ADAM2: variants seen among roughly 807,000 people sequenced by gnomAD.
The protein encoded by ADAM2 is disintegrin and metalloproteinase domain-containing protein 2.
A neutral mutation model predicts 99.3 loss-of-function variants in ADAM2; 101 were observed. That is an observed-to-expected ratio of 1.02 (90% CI 0.87 to 1.20). The LOEUF is 1.20. Ranked by LOEUF, ADAM2 falls within the 50% of genes most tolerant of loss-of-function variation. The probability of loss-of-function intolerance (pLI) is 0.00; values close to 1 mark genes in which losing one functional copy is unlikely to be tolerated. For synonymous variants in ADAM2, 323 were observed against 287.6 expected (o/e 1.12, Z -1.25); for missense variants, 948 against 878.7 (o/e 1.08, Z -1.00).
chr8:39,782,633 T>G (rs920247916), intron 10 of ADAM2, among the ~76,000 whole-genome samples: 1 of 152,124 alleles, frequency 6.6e-6, no homozygotes, highest in Non-Finnish European at 1.5e-5. Flanking sequence ...TCATAAAATT[T>G]TATCCATATT....
At chr8:39,766,588 A>G (rs568273059) in intron 14 of ADAM2, among the ~76,000 whole-genome samples, 9 of 152,010 alleles carry the variant, frequency 5.9e-5, no homozygotes, top group African/African-American at 1.9e-4. Flanking sequence ...TTGTATTTTT[A>G]GTAGAGACAG....
At chr8:39,805,505 T>C (rs1804399381) in intron 7 of ADAM2, among the ~76,000 whole-genome samples, 1 of 152,126 alleles carries the variant, frequency 6.6e-6, no homozygotes, top group Admixed American at 6.5e-5. Context: ...CAAAAATCAT[T>C]TCAAGATTCT....
intron 6 of ADAM2, among the ~76,000 whole-genome samples, chr8:39,809,961 T>G (rs909914534): frequency 1.3e-5 from 2 of 152,184 alleles, no homozygotes; most frequent in African/African-American, 4.8e-5. Context: ...ATGGGCTAAA[T>G]GCTCCAATTA....
Position 39,824,829 on chromosome 8 carries a change from T to C in ADAM2, c.257A>G (p.Gln86Arg). 2 of 1,557,192 alleles carry C rather than the reference T, an allele frequency of 1.3e-6. No individual in the cohort carries two copies. The highest frequency in any genetic ancestry group is 1.8e-6 in the Non-Finnish European group (2 of 1,135,412). ...TCATAAAAAACATACCTGAAAATCT[T>C]GGTCAAGTGGTTTCATAATTCCTGT... ...SGTGIMKPLD[Q>R]DFQNFCHYQG... Residue 86 changes from glutamine (Q) to arginine (R), a missense_variant, in exon 4 of 21, where the codon CAA (glutamine) becomes CGA (arginine). Gln to Arg is a conservative substitution (Grantham distance 43). Transcript: ENST00000265708.
intron 14 of ADAM2, among the ~76,000 whole-genome samples, chr8:39,764,869 G>C (rs1802507122): frequency 6.6e-6 from 1 of 151,814 alleles, no homozygotes; most frequent in Non-Finnish European, 1.5e-5. Flanking sequence ...ACAAAAATTA[G>C]CCGGGTGTGG....
intron 12 of ADAM2, among the ~76,000 whole-genome samples, chr8:39,768,279 A>G (rs1802645272): frequency 6.6e-6 from 1 of 152,182 alleles, no homozygotes; most frequent in Admixed American, 6.5e-5. Context: ...ATTTTTTAAA[A>G]ACATATCACA....
intron 6 of ADAM2, among the ~76,000 whole-genome samples, chr8:39,818,990 C>A (rs1805065246): frequency 6.6e-6 from 1 of 151,838 alleles, no homozygotes; most frequent in African/African-American, 2.4e-5. Context: ...AGATTCAACA[C>A]AATCCTGGGT....
chr8:39,760,882 C>CAAAAAAAAAAAAAAAAAA (rs58386097), intron 15 of ADAM2, among the ~76,000 whole-genome samples: 5 of 60,182 alleles, frequency 8.3e-5, no homozygotes, highest in African/African-American at 3.4e-4. Flanking sequence ...GACTCCATCT[C>CAAAAAAAAAAAAAAAAAA]AAAAAAAAAA....
At chr8:39,760,435 G>A (rs998440499) in intron 15 of ADAM2, among the ~76,000 whole-genome samples, 1 of 152,066 alleles carries the variant, frequency 6.6e-6, no homozygotes, top group Non-Finnish European at 1.5e-5. Flanking sequence ...TAAATACCAC[G>A]CTTTGGCCAG....
In ADAM2 at chr8:39,788,026, C is replaced by A. The variant is rs768260739; in HGVS notation, c.809+59G>T. ...ACACATTTATCAACAGTAAGATATT[C>A]GGTCAAATTGCATAAATTTTCTTCA... On this transcript the variant is annotated intron_variant, in intron 9 of 20. Transcript: ENST00000265708. 9.6e-6 allele frequency: 11 copies of A among 1,143,730 alleles called. No homozygotes were observed. The East Asian group carries it at 2.8e-4, about 29-fold the overall frequency. The allele number at this position is 1,143,730 out of a possible 1,614,324, so 70.8% of individuals were successfully genotyped here.
chr8:39,754,473 C>A (rs12541801), intron 16 of ADAM2, among the ~76,000 whole-genome samples: 76,296 of 151,978 alleles, frequency 0.5, 19,577 homozygotes, highest in South Asian at 0.67. Context: ...CGTATTTTAG[C>A]CTATTTAGAA....
At chr8:39,758,810 C>T (rs1356046293) in intron 15 of ADAM2, among the ~76,000 whole-genome samples, 1 of 151,650 alleles carries the variant, frequency 6.6e-6, no homozygotes, top group Admixed American at 6.6e-5. Flanking sequence ...CAAAGGGATT[C>T]CCAATAGTCA....
intron 4 of ADAM2, among the ~76,000 whole-genome samples, chr8:39,824,195 A>G (rs1243454419): frequency 1.3e-5 from 2 of 151,404 alleles, no homozygotes; most frequent in South Asian, 2.1e-4. Flanking sequence ...AGGCAGGAGA[A>G]TCACTTGAAC....
intron 3 of ADAM2, among the ~76,000 whole-genome samples, chr8:39,832,336 C>T (rs1290538411): frequency 6.6e-6 from 1 of 152,134 alleles, no homozygotes; most frequent in Non-Finnish European, 1.5e-5. Flanking sequence ...CTGAAACTAA[C>T]TAGTTACCAA....
Position 39,838,145 on chromosome 8 carries a change from A to C in ADAM2, c.41T>G (p.Leu14Arg). ...TTTCTGCTTACTACTGTCCATCCGC[A>C]GCCCGCCGAGCCCGCTGAGCAGAAA... ...VLFLLSGLGG[L>R]RMDSNFDSLP... Residue 14 changes from leucine to arginine, a missense_variant, in exon 1 of 21, where the codon CTG becomes CGG. By Grantham distance (102) the Leu-to-Arg change is moderately radical. Coordinates refer to ENST00000265708, the MANE Select transcript of ADAM2 (RefSeq NM_001464.5). The C allele has an allele frequency of 6.2e-7, 1 of 1,614,132 alleles. No individual in the cohort carries two copies. The highest frequency in any genetic ancestry group is 8.5e-7 in the Non-Finnish European group (1 of 1,180,030).
rs771174196 is a variant in ADAM2 at position 39,837,165 on chromosome 8, AC to A, written c.102del (p.Ser35GlnfsTer2). On this transcript the variant is annotated frameshift_variant, in exon 2 of 21. Transcript: ENST00000265708. LOFTEE classifies it high-confidence loss of function. ...PVQITVPEKI[R>X]SIIKEGIESQ... ...GATTCAATTCCTTCCTTTATTATTG[AC>A]CGTATTTTCTCCGGAACTGTAATTT... 1 of 1,609,096 alleles carries A rather than the reference AC, an allele frequency of 6.2e-7. No individual in the cohort carries two copies. Among genetic ancestry groups the A allele is most frequent in the Admixed American group, 1.7e-5 (1 of 59,642 alleles).
intron 15 of ADAM2, among the ~76,000 whole-genome samples, chr8:39,759,859 AATTT>A (rs1226608035): frequency 1.3e-5 from 2 of 152,128 alleles, no homozygotes; most frequent in East Asian, 1.9e-4. Context: ...TTCTAGTTCT[AATTT>A]ATTTATTTAT....
At position 39,747,034 on chromosome 8, in the gene ADAM2, C is replaced by T. The variant is rs180844754; in HGVS notation, c.2015-403G>A. On this transcript the variant is annotated intron_variant, in intron 18 of 20. Transcript: ENST00000265708. Reference sequence around the variant, plus strand: ...TTTCTTCCAAGAATTTGGTTCAGTTCACCTGTGAAACCATCTATGCCTATA... The same window carrying T: ...TTTCTTCCAAGAATTTGGTTCAGTTTACCTGTGAAACCATCTATGCCTATA... Among the ~76,000 whole-genome samples the T allele has an allele frequency of 6.6e-5, 10 of 152,296 alleles. 1 individual carries two copies. Among genetic ancestry groups the T allele is most frequent in the Non-Finnish European group, 1.3e-4 (9 of 68,028 alleles).
At chr8:39,773,576 A>G (rs1802868653) in intron 11 of ADAM2, among the ~76,000 whole-genome samples, 3 of 151,810 alleles carry the variant, frequency 2.0e-5, no homozygotes, top group Non-Finnish European at 4.4e-5. Flanking sequence ...GGCATATCAC[A>G]AATTATCCCA....
Sources: gnomAD v4.1 joint callset for allele counts (sites outside exome capture counted in the v4.1 genomes callset) on GRCh38, gnomAD v4.1.1 for gene constraint, MANE v1.5 for transcripts, NCBI Gene and HGNC (gene_info 2026-07-23, HGNC 2026-07-21) for gene names.